TBC1D1: variants seen among roughly 807,000 people sequenced by gnomAD.
The protein encoded by TBC1D1 is TBC1 (tre-2/USP6, BUB2, cdc16) domain family, member 1.
A neutral mutation model predicts 125.6 loss-of-function variants in TBC1D1; 89 were observed. That is an observed-to-expected ratio of 0.71 (90% CI 0.60 to 0.85). The LOEUF (loss-of-function observed/expected upper bound fraction) is 0.85. Among genes scored for constraint, TBC1D1 ranks in the 40% least tolerant of loss-of-function variants. TBC1D1 has a pLI of 0.00. For missense variants in TBC1D1, 1,377 were observed against 1,469.2 expected (o/e 0.94, Z 1.03); for synonymous variants, 565 against 564.1 (o/e 1.00, Z -0.02).
intron 18 of TBC1D1, among the ~76,000 whole-genome samples, chr4:38,130,001 G>A (rs550638235): frequency 4.6e-5 from 7 of 152,276 alleles, no homozygotes; most frequent in South Asian, 2.1e-4. Context: ...CAGTCATCCC[G>A]TTTCTTGGAA....
intron 12 of TBC1D1, among the ~76,000 whole-genome samples, chr4:38,056,333 T>C (rs1028691361): frequency 2.0e-5 from 3 of 152,208 alleles, no homozygotes; most frequent in Admixed American, 6.5e-5. Context: ...GAGTCCTGAG[T>C]TGAACTTGGT....
Position 37,977,584 on chromosome 4 carries a change from T to G in TBC1D1, c.418-36925T>G. The G allele has an allele frequency of 1.8e-6, 1 of 556,948 alleles. No homozygotes were observed. Among genetic ancestry groups the G allele is most frequent in the South Asian group, 7.4e-5 (1 of 13,534 alleles). The allele number at this position is 556,948 out of a possible 1,614,324, so 34.5% of individuals were successfully genotyped here. ...CGGAGCGGAGCGGCAGGCGCGGGGCTGGAACATTTGTAACCTTCGGGCCGG... is the reference window on the plus strand; with the variant it reads ...CGGAGCGGAGCGGCAGGCGCGGGGCGGGAACATTTGTAACCTTCGGGCCGG... On this transcript the variant is annotated intron_variant, in intron 2 of 19. Coordinates refer to ENST00000261439, the MANE Select transcript of TBC1D1 (RefSeq NM_015173.4). This position sits in a 1 kb window ranked among gnomAD's most constrained non-coding sequence, Gnocchi z 4.3.
chr4:37,943,718 T>C (rs149851259), intron 2 of TBC1D1, among the ~76,000 whole-genome samples: 3,665 of 152,364 alleles, frequency 0.024, 90 homozygotes, highest in Admixed American at 0.074. Context: ...ACACTGGTTA[T>C]TCTAGTTAGC....
At chr4:38,003,351 A>T (rs1739435448) in intron 2 of TBC1D1, among the ~76,000 whole-genome samples, 1 of 152,196 alleles carries the variant, frequency 6.6e-6, no homozygotes, top group African/African-American at 2.4e-5. Flanking sequence ...CCCCATTTTA[A>T]TCAGAACATT....
intron 2 of TBC1D1, among the ~76,000 whole-genome samples, chr4:37,958,774 A>G (rs1293114293): frequency 2.0e-5 from 3 of 152,256 alleles, no homozygotes; most frequent in Non-Finnish European, 4.4e-5. Context: ...TGCTAATGGT[A>G]TAATGAGACA....
intron 2 of TBC1D1, among the ~76,000 whole-genome samples, chr4:37,928,587 G>A (rs943410032): frequency 7.9e-5 from 12 of 152,144 alleles, no homozygotes; most frequent in African/African-American, 2.9e-4. Context: ...TGCCGCTGTA[G>A]CGCAGCCAGC....
chr4:38,118,264 G>C lies in TBC1D1; in HGVS notation c.2962+72G>C, dbSNP rs623945. ...GAGGGGAAACATTTCCTGTCTCTCC[G>C]TGGTGATTCTTATTTTTATACCTGT... On this transcript the variant is annotated intron_variant, in intron 17 of 19. Coordinates refer to ENST00000261439, the MANE Select transcript of TBC1D1 (RefSeq NM_015173.4). 6.3e-3 allele frequency: 9,624 copies of C among 1,533,994 alleles called. 512 individuals are homozygous for C. In the African/African-American group the frequency reaches 0.11, roughly 18 times the overall value.
intron 17 of TBC1D1, among the ~76,000 whole-genome samples, chr4:38,121,555 C>T (rs1763851801): frequency 6.6e-6 from 1 of 152,250 alleles, no homozygotes; most frequent in Admixed American, 6.5e-5. Context: ...GAGAAAAGTC[C>T]CACTGAAAGG....
At position 38,021,673 on chromosome 4, in the gene TBC1D1, G is replaced by C; in HGVS notation, c.1165G>C (p.Gly389Arg). The stretch of plus-strand genomic sequence containing the variant: ...TAAGGCGCCAGCCCAGCTGTGTGAG[G>C]GCTGCCCCCTGCAAAGCCTGCACAA... The change falls in exon 6 of 20, where the codon GGC (glycine) becomes CGC (arginine). Residue 389 changes from glycine (G) to arginine (R), a missense_variant. This residue lies in a region of TBC1D1 where 822 missense variants were observed against 824.6 expected (regional missense o/e 1.00). Transcript: ENST00000261439. 1 of 1,596,568 alleles carries C rather than the reference G, an allele frequency of 6.3e-7. No homozygotes were observed. Among genetic ancestry groups the C allele is most frequent in the Non-Finnish European group, 8.5e-7 (1 of 1,171,806 alleles).
At chr4:38,034,845 T>A (rs992288781) in intron 7 of TBC1D1, among the ~76,000 whole-genome samples, 2 of 152,204 alleles carry the variant, frequency 1.3e-5, no homozygotes, top group East Asian at 3.8e-4. Context: ...AGGTGGACTT[T>A]AAAAAAATTC....
chr4:37,923,975 C>T (rs986408472), intron 2 of TBC1D1, among the ~76,000 whole-genome samples: 10 of 152,152 alleles, frequency 6.6e-5, no homozygotes, highest in Admixed American at 1.3e-4. Flanking sequence ...CCAATGCACC[C>T]GGCATAGTCA....
Position 38,103,158 on chromosome 4 carries a change from G to T in TBC1D1, c.2557+1G>T. On this transcript the variant is annotated splice_donor_variant, in intron 15 of 19. Coordinates refer to ENST00000261439, the MANE Select transcript of TBC1D1 (RefSeq NM_015173.4). LOFTEE classifies it high-confidence loss of function. ...CAGCATGCGATTCTTATTGACCTTG[G>T]TAAGTCTGTGCCATCGATTGGAGAT... 1 of 1,608,110 alleles carries T rather than the reference G, an allele frequency of 6.2e-7. No homozygotes were observed. Among genetic ancestry groups the T allele is most frequent in the Non-Finnish European group, 8.5e-7 (1 of 1,177,630 alleles).
intron 2 of TBC1D1, among the ~76,000 whole-genome samples, chr4:37,990,930 T>C (rs968012206): frequency 1.3e-5 from 2 of 152,160 alleles, no homozygotes; most frequent in African/African-American, 2.4e-5. Context: ...TTCCAGACGT[T>C]CTTGGTCAAG....
rs1743279915 is a variant in TBC1D1 at position 38,018,431 on chromosome 4, C to G, written c.960C>G (p.Ser320=). 3.7e-6 allele frequency: 6 copies of G among 1,606,678 alleles called. No individual in the cohort carries two copies. Among genetic ancestry groups the G allele is most frequent in the Non-Finnish European group, 5.1e-6 (6 of 1,175,808 alleles). Residue 320 remains serine, a synonymous_variant, in exon 4 of 20, where the codon TCC becomes TCG. Transcript: ENST00000261439. ...TGGAGAAAAATTTTAAGGAGATATC[C>G]TTTTGCTCTCAGGTAAATGGAGATG...
rs141439308 is a variant in TBC1D1, at chr4:38,117,259, T to G, written c.2803-774T>G. ...AGGACATATCCAACTTGGTGGATCT[T>G]AGCGGATTCTGACCCTCTGTAGGTT... On this transcript the variant is annotated intron_variant, in intron 16 of 19. Transcript: ENST00000261439. Among the ~76,000 whole-genome samples the G allele has an allele frequency of 7.0e-3, 1,068 of 152,292 alleles. 13 individuals carry two copies. The highest frequency in any genetic ancestry group is 0.025 in the African/African-American group (1,029 of 41,526).
intron 2 of TBC1D1, among the ~76,000 whole-genome samples, chr4:37,968,331 T>G (rs1002053321): frequency 6.6e-6 from 1 of 152,234 alleles, no homozygotes; most frequent in Non-Finnish European, 1.5e-5. Flanking sequence ...CCCTGCAGTC[T>G]TCTTAGTATT....
intron 12 of TBC1D1, among the ~76,000 whole-genome samples, chr4:38,084,736 T>C (rs1351359607): frequency 6.6e-6 from 1 of 152,020 alleles, no homozygotes; most frequent in African/African-American, 2.4e-5. Context: ...TTTTTTTTTT[T>C]TCGCATGGAG....
intron 2 of TBC1D1, chr4:37,960,841 T>C: frequency 1.9e-6 from 3 of 1,614,208 alleles, no homozygotes; most frequent in Non-Finnish European, 2.5e-6. Flanking sequence ...GAGCGCCAGA[T>C]TGCACACCTC....
At chr4:38,106,358 C>T (rs1341772547) in intron 15 of TBC1D1, among the ~76,000 whole-genome samples, 1 of 152,210 alleles carries the variant, frequency 6.6e-6, no homozygotes, top group Non-Finnish European at 1.5e-5. Flanking sequence ...CTCTGTGTTT[C>T]CCTGGGACCC....
Sources: allele counts gnomAD v4.1 joint callset (sites outside exome capture counted in the v4.1 genomes callset), GRCh38; gene constraint gnomAD v4.1.1; regional missense constraint gnomAD v4.1.1; non-coding constraint Gnocchi (gnomAD v3.1); transcripts MANE v1.5; gene names NCBI Gene and HGNC (gene_info 2026-07-23, HGNC 2026-07-21).